Variants in CENPP observed in about 807,000 individuals in gnomAD.
CENPP encodes the protein centromere protein P.
A neutral mutation model predicts 35.6 loss-of-function variants in CENPP; 24 were observed. The ratio of observed to expected loss-of-function variants is 0.67; its 90% CI spans 0.49 to 0.95. The LOEUF (loss-of-function observed/expected upper bound fraction) is 0.95, where lower values mean the gene tolerates loss of function less well. Ranked by LOEUF, CENPP falls within the 40% of genes least tolerant of loss-of-function variation. CENPP has a pLI of 0.00. For missense variants in CENPP, 332 were observed against 345.3 expected (o/e 0.96, Z 0.31); for synonymous variants, 120 against 125.5 (o/e 0.96, Z 0.29).
At position 92,326,059 on chromosome 9, in the gene CENPP, GC is replaced by G. The variant is rs1564256233; in HGVS notation, c.62del (p.Ala21GlyfsTer36). The G allele has an allele frequency of 6.4e-7, 1 of 1,565,262 alleles. No individual in the cohort carries two copies. The highest frequency in any genetic ancestry group is 1.2e-5 in the South Asian group (1 of 84,920). On this transcript the variant is annotated frameshift_variant, in exon 1 of 8. Transcript: ENST00000375587. LOFTEE classifies it high-confidence loss of function. ...LQAEIAALRR[A>X]CEDPPAPWEE... is the part of the protein sequence containing the mutation. ...AGCTGAGATCGCGGCCCTGCGGCGAGCGTGTGAGGACCCACCGGCGCCCTGG... is the reference window on the plus strand; with the variant it reads ...AGCTGAGATCGCGGCCCTGCGGCGAGGTGTGAGGACCCACCGGCGCCCTGG...
chr9:92,400,306 C>T (rs905817210), intron 5 of CENPP, among the ~76,000 whole-genome samples: 65 of 152,186 alleles, frequency 4.3e-4, no homozygotes, highest in East Asian at 2.5e-3. Context: ...CCTGCCACCA[C>T]GCCTGGCTAA....
chr9:92,448,618 G>A (rs531679260), intron 5 of CENPP, among the ~76,000 whole-genome samples: 12 of 152,094 alleles, frequency 7.9e-5, no homozygotes, highest in South Asian at 2.1e-4. Flanking sequence ...GGTGTAAGCC[G>A]TTCTCCTGTG....
chr9:92,366,796 G>T (rs955083194), intron 4 of CENPP, among the ~76,000 whole-genome samples: 1 of 152,154 alleles, frequency 6.6e-6, no homozygotes, highest in African/African-American at 2.4e-5. Flanking sequence ...TTGTTTGAGA[G>T]GATCACGATT....
intron 4 of CENPP, among the ~76,000 whole-genome samples, chr9:92,359,163 G>A (rs1222023102): frequency 6.6e-6 from 1 of 151,826 alleles, no homozygotes; most frequent in Admixed American, 6.6e-5. Flanking sequence ...TGGTCAGGCT[G>A]GTCTTGAACT....
At chr9:92,380,824 G>T (rs1389830619) in intron 5 of CENPP, among the ~76,000 whole-genome samples, 1 of 152,146 alleles carries the variant, frequency 6.6e-6, no homozygotes, top group African/African-American at 2.4e-5. Context: ...TAATGTTGCT[G>T]TTTCCTTATG....
chr9:92,618,190 TCTC>T lies in CENPP; in HGVS notation c.*5044_*5046del, dbSNP rs1472558546. The T allele has an allele frequency of 6.6e-6, 3 of 455,764 alleles. No individual in the cohort carries two copies. 28.2% of individuals were successfully genotyped at this position (455,764 alleles called of 1,614,324 possible). On this transcript the variant is annotated 3_prime_UTR_variant, in exon 8 of 8. Coordinates refer to ENST00000375587, the MANE Select transcript of CENPP (RefSeq NM_001012267.3). Reference sequence around the variant, plus strand: ...GGAGGAGAAGCCTTCTCTGAGATCCTCTCCTTTTGTTGAGAAAGGCCTGGCTAG... The same window carrying T: ...GGAGGAGAAGCCTTCTCTGAGATCCTCTTTTGTTGAGAAAGGCCTGGCTAG...
At chr9:92,461,168 G>A (rs1391347753) in intron 5 of CENPP, among the ~76,000 whole-genome samples, 1 of 152,020 alleles carries the variant, frequency 6.6e-6, no homozygotes, top group African/African-American at 2.4e-5. Context: ...TTTTGCTGGA[G>A]TATTTAAAGT....
intron 5 of CENPP, among the ~76,000 whole-genome samples, chr9:92,446,985 A>G (rs1040227393): frequency 6.6e-6 from 1 of 152,036 alleles, no homozygotes; most frequent in African/African-American, 2.4e-5. Flanking sequence ...TAAAGTAAAC[A>G]GAGTAGCTAC....
At position 92,619,178 on chromosome 9, in the gene CENPP, A is replaced by C; in HGVS notation, c.*6029A>C. ...TCAGGGGCTGGCTTTCTTTGAGGGA[A>C]TGCAATGGGCAGCTCACTGTCCACA... On this transcript the variant is annotated 3_prime_UTR_variant, in exon 8 of 8. Transcript: ENST00000375587. 3.4e-6 allele frequency: 1 copy of C among 294,342 alleles called. No homozygotes were observed. Among genetic ancestry groups the C allele is most frequent in the Non-Finnish European group, 6.5e-6 (1 of 152,936 alleles). 18.2% of individuals were successfully genotyped at this position (294,342 alleles called of 1,614,324 possible). A position where few individuals can be genotyped will look rare whatever the true frequency, so the allele number is the denominator to read the frequency against.
intron 5 of CENPP, among the ~76,000 whole-genome samples, chr9:92,509,713 G>T (rs776945146): frequency 3.9e-5 from 6 of 152,130 alleles, no homozygotes; most frequent in Non-Finnish European, 8.8e-5. Flanking sequence ...AAGACAATAG[G>T]CAGTTTAAAA....
intron 5 of CENPP, among the ~76,000 whole-genome samples, chr9:92,399,054 CAA>C (rs113748385): frequency 1.6e-4 from 17 of 109,504 alleles, no homozygotes; most frequent in African/African-American, 1.7e-4. Context: ...GACTCTGTCT[CAA>C]AAAAAAAAAA....
At chr9:92,505,773 A>G in intron 5 of CENPP, 1 of 1,161,594 alleles carries the variant, frequency 8.6e-7, no homozygotes, top group Non-Finnish European at 1.2e-6. Context: ...GTCATGTGAA[A>G]TGGCCGGTTT....
At position 92,619,571 on chromosome 9, in the gene CENPP, G is replaced by A. The variant is rs573500591; in HGVS notation, c.*6422G>A. On this transcript the variant is annotated 3_prime_UTR_variant, in exon 8 of 8. Transcript: ENST00000375587. ...GCGACGCGGTACTGCTGCACCTGCA[G>A]GGGCGGGAAAGATCAGCTCCAGGTC... 4 of 1,573,716 alleles carry A rather than the reference G, an allele frequency of 2.5e-6. No individual in the cohort carries two copies. The highest frequency in any genetic ancestry group is 3.5e-6 in the Non-Finnish European group (4 of 1,159,210).
intron 5 of CENPP, among the ~76,000 whole-genome samples, chr9:92,443,614 C>G (rs1258402390): frequency 6.6e-6 from 1 of 151,670 alleles, no homozygotes; most frequent in East Asian, 1.9e-4. Flanking sequence ...ATAACCAAGA[C>G]AATCCTGAGA....
chr9:92,341,066 C>A (rs1347498588), intron 3 of CENPP, among the ~76,000 whole-genome samples: 1 of 152,112 alleles, frequency 6.6e-6, no homozygotes, highest in Non-Finnish European at 1.5e-5. Flanking sequence ...AACAGCCCCC[C>A]CAGGGGCGCC....
intron 5 of CENPP, among the ~76,000 whole-genome samples, chr9:92,562,308 G>C (rs1170767272): frequency 3.3e-5 from 5 of 150,574 alleles, no homozygotes; most frequent in Non-Finnish European, 7.4e-5. Context: ...AGGTTCAAGC[G>C]ATTCTCCTGC....
intron 5 of CENPP, among the ~76,000 whole-genome samples, chr9:92,603,147 A>G (rs1259600662): frequency 6.6e-6 from 1 of 152,234 alleles, no homozygotes; most frequent in East Asian, 1.9e-4. Context: ...GATTTCTCAA[A>G]GTCATATAGC....
chr9:92,407,007 T>C (rs572621483), intron 5 of CENPP, among the ~76,000 whole-genome samples: 2 of 152,158 alleles, frequency 1.3e-5, no homozygotes, highest in African/African-American at 4.8e-5. Context: ...ATGGTTTATA[T>C]AGAAAAAGGA....
intron 4 of CENPP, among the ~76,000 whole-genome samples, chr9:92,358,000 C>T (rs1020424707): frequency 1.3e-5 from 2 of 152,084 alleles, no homozygotes; most frequent in Non-Finnish European, 2.9e-5. Flanking sequence ...AAGATATTCT[C>T]TCTTTGTCTT....
Sources: allele counts gnomAD v4.1 joint callset (sites outside exome capture counted in the v4.1 genomes callset), GRCh38; gene constraint gnomAD v4.1.1; transcripts MANE v1.5; gene names NCBI Gene and HGNC (gene_info 2026-07-23, HGNC 2026-07-21).